Variants in RIMS2 observed in about 807,000 individuals in gnomAD.
RIMS2 encodes the protein regulating synaptic membrane exocytosis protein 2.
Under a neutral mutation model 174.4 loss-of-function variants are expected in RIMS2, and 59 were observed. The observed-to-expected ratio is 0.34, with a 90% CI of 0.27 to 0.42. RIMS2 has a LOEUF of 0.42. Ranked by LOEUF, RIMS2 falls within the 10% of genes least tolerant of loss-of-function variation. The pLI, the probability that RIMS2 is intolerant of heterozygous loss-of-function variation, is 1.00. For synonymous variants in RIMS2, 606 were observed against 572.5 expected (o/e 1.06, Z -0.84); for missense variants, 1,620 against 1,666.3 (o/e 0.97, Z 0.48).
intron 2 of RIMS2, among the ~76,000 whole-genome samples, chr8:103,758,325 T>C (rs759904014): frequency 3.3e-5 from 5 of 152,154 alleles, no homozygotes; most frequent in Non-Finnish European, 7.4e-5. Flanking sequence ...TTGAGTGATA[T>C]TGCAAATTAA....
In RIMS2 at chr8:104,126,191, A is replaced by G. The variant is rs970009735; in HGVS notation, c.3334+111576A>G. On this transcript the variant is annotated intron_variant, in intron 19 of 23. Transcript: ENST00000504942. ...TTTATTTACTTAATGAAAATTAATA[A>G]AAGTTTGGAAGCTGAGAGACTATTG... 2.0e-5 allele frequency among the ~76,000 whole-genome samples: 3 copies of G among 152,220 alleles called. No individual in the cohort carries two copies. The East Asian group carries it at 5.8e-4, about 29-fold the overall frequency.
intron 1 of RIMS2, among the ~76,000 whole-genome samples, chr8:103,664,508 C>T (rs1322327011): frequency 3.3e-5 from 5 of 152,040 alleles, no homozygotes; most frequent in Non-Finnish European, 7.4e-5. Context: ...ATTTATCTGG[C>T]CAACAAACAT....
intron 2 of RIMS2, among the ~76,000 whole-genome samples, chr8:103,749,758 G>C (rs1318049305): frequency 6.6e-6 from 1 of 151,992 alleles, no homozygotes; most frequent in Non-Finnish European, 1.5e-5. Flanking sequence ...TTTTTGTGAA[G>C]TAGTGGGAAT....
intron 19 of RIMS2, among the ~76,000 whole-genome samples, chr8:104,231,185 C>T (rs933589661): frequency 1.3e-5 from 2 of 151,982 alleles, no homozygotes; most frequent in African/African-American, 4.8e-5. Flanking sequence ...CCAACCTGCT[C>T]TCTCTCTCTC....
In RIMS2 at chr8:104,005,895, C is replaced by T. The variant is rs118099213; in HGVS notation, c.3045-7547C>T. On this transcript the variant is annotated intron_variant, in intron 17 of 23. Transcript: ENST00000504942. Reference sequence around the variant, plus strand: ...AAGCTAGTGGAGTCATGGTAAAGGACGAAAACAGTCTATGTAGAACATAGA... The same window carrying T: ...AAGCTAGTGGAGTCATGGTAAAGGATGAAAACAGTCTATGTAGAACATAGA... 3.0e-4 allele frequency among the ~76,000 whole-genome samples: 46 copies of T among 151,810 alleles called. No individual in the cohort carries two copies. The East Asian group carries it at 5.1e-3, about 17-fold the overall frequency.
intron 19 of RIMS2, among the ~76,000 whole-genome samples, chr8:104,197,681 C>T (rs1481751523): frequency 3.9e-5 from 6 of 151,920 alleles, no homozygotes; most frequent in Admixed American, 2.6e-4. Flanking sequence ...CTGGATTTTG[C>T]GAGGGTGGTT....
At chr8:103,609,207 G>GT (rs202141409) in intron 1 of RIMS2, among the ~76,000 whole-genome samples, 4 of 152,042 alleles carry the variant, frequency 2.6e-5, no homozygotes, top group African/African-American at 9.7e-5. Context: ...GGAATTGTTT[G>GT]TTTTTTGCTT....
chr8:103,652,820 T>C, intron 1 of RIMS2, 110 bp downstream of exon 3: 1 of 583,896 alleles, frequency 1.7e-6, no homozygotes, highest in South Asian at 1.7e-5. Context: ...GAAAGGAAAA[T>C]TGTTCGGTTA....
chr8:103,524,455 G>A (rs764382674), intron 1 of RIMS2, among the ~76,000 whole-genome samples: 2 of 151,996 alleles, frequency 1.3e-5, no homozygotes, highest in African/African-American at 4.8e-5. Context: ...TAATACATAC[G>A]GAATCAATTG....
At chr8:104,216,710 G>C (rs991733885) in intron 19 of RIMS2, among the ~76,000 whole-genome samples, 1 of 152,136 alleles carries the variant, frequency 6.6e-6, no homozygotes, top group South Asian at 2.1e-4. Flanking sequence ...GAGGAAAAAG[G>C]CCTGGCTTAT....
chr8:104,223,582 C>G, intron 19 of RIMS2: 1 of 1,484,246 alleles, frequency 6.7e-7, no homozygotes, highest in Non-Finnish European at 8.9e-7. Flanking sequence ...GGAACCGCTG[C>G]GGACGCTGCG....
chr8:103,647,423 A>G (rs527978753), intron 1 of RIMS2, among the ~76,000 whole-genome samples: 20 of 152,156 alleles, frequency 1.3e-4, no homozygotes, highest in Admixed American at 4.6e-4. Flanking sequence ...TGGTATCAGT[A>G]TGATGTTGAC....
intron 1 of RIMS2, among the ~76,000 whole-genome samples, chr8:103,613,291 A>G (rs953209140): frequency 6.6e-6 from 1 of 152,150 alleles, no homozygotes; most frequent in African/African-American, 2.4e-5. Context: ...TCTCCCTTCA[A>G]TGGGCAGAGG....
downstream of RIMS2, chr8:104,251,915 G>A (rs921647762): frequency 9.4e-6 from 7 of 744,152 alleles, no homozygotes; most frequent in Admixed American, 9.5e-5. Flanking sequence ...CATGCTTAAT[G>A]TTGTGTCTTC....
intron 1 of RIMS2, among the ~76,000 whole-genome samples, chr8:103,602,418 CTTAATA>C (rs2094802857): frequency 6.6e-6 from 1 of 151,770 alleles, no homozygotes; most frequent in African/African-American, 2.4e-5. Flanking sequence ...AAGCATAGTA[CTTAATA>C]GGTATTTTTT....
At chr8:103,937,247 A>G (rs1342951254) in intron 13 of RIMS2, among the ~76,000 whole-genome samples, 3 of 152,232 alleles carry the variant, frequency 2.0e-5, no homozygotes, top group Admixed American at 6.5e-5. Flanking sequence ...CAGTGGTTCT[A>G]CGTATTCTGA....
intron 1 of RIMS2, among the ~76,000 whole-genome samples, chr8:103,615,143 A>G (rs1269576753): frequency 6.6e-6 from 1 of 152,182 alleles, no homozygotes; most frequent in East Asian, 1.9e-4. Flanking sequence ...ACATAAAACA[A>G]TCCTCAGCAA....
chr8:103,959,917 G>A (rs1310632922), intron 14 of RIMS2, among the ~76,000 whole-genome samples: 1 of 152,044 alleles, frequency 6.6e-6, no homozygotes. Flanking sequence ...ATCTAAAATT[G>A]ACACCCTAAC....
chr8:104,110,249 G>A (rs956574131), intron 19 of RIMS2, among the ~76,000 whole-genome samples: 3 of 152,046 alleles, frequency 2.0e-5, no homozygotes, highest in African/African-American at 4.8e-5. Context: ...AAATTATACC[G>A]TATGTAACCA....
Sources: gnomAD v4.1 joint callset for allele counts (sites outside exome capture counted in the v4.1 genomes callset) on GRCh38, gnomAD v4.1.1 for gene constraint, MANE v1.5 for transcripts, NCBI Gene and HGNC (gene_info 2026-07-23, HGNC 2026-07-21) for gene names.